LHFPL6: variants seen among roughly 807,000 people sequenced by gnomAD.
LHFPL6 encodes the protein LHFPL tetraspan subfamily member 6 protein.
Under a neutral mutation model 20.6 loss-of-function variants are expected in LHFPL6, and 9 were observed. The observed-to-expected ratio is 0.44, with a 90% CI of 0.26 to 0.76. The LOEUF is 0.76. Ranked by LOEUF, LHFPL6 falls within the 30% of genes least tolerant of loss-of-function variation. The probability of loss-of-function intolerance (pLI) is 0.20; values close to 1 mark genes in which losing one functional copy is unlikely to be tolerated. For synonymous variants in LHFPL6, 105 were observed against 98.7 expected, an observed-to-expected ratio of 1.06 and a Z score of -0.38; for missense variants, 218 against 253.5, an observed-to-expected ratio of 0.86 and a Z score of 0.95.
chr13:39,496,871 A>G (rs1869118666), intron 2 of LHFPL6, among the ~76,000 whole-genome samples: 1 of 152,210 alleles, frequency 6.6e-6, no homozygotes, highest in South Asian at 2.1e-4. Context: ...ACCCAGGGGT[A>G]TAGCTCAGTC....
chr13:39,390,855 G>A (rs559526464), intron 2 of LHFPL6, among the ~76,000 whole-genome samples: 1 of 152,070 alleles, frequency 6.6e-6, no homozygotes, highest in African/African-American at 2.4e-5. Context: ...AAATTAGCCA[G>A]GCGTGGTGGC....
At chr13:39,572,481 A>T (rs1021190897) in intron 2 of LHFPL6, among the ~76,000 whole-genome samples, 1 of 152,216 alleles carries the variant, frequency 6.6e-6, no homozygotes, top group Non-Finnish European at 1.5e-5. Flanking sequence ...GGTATTATAC[A>T]GTACATCCAT....
intron 2 of LHFPL6, among the ~76,000 whole-genome samples, chr13:39,435,221 C>A (rs1350979136): frequency 6.6e-6 from 1 of 151,942 alleles, no homozygotes; most frequent in Non-Finnish European, 1.5e-5. Context: ...CCAAATTAAC[C>A]TTTTTTTAAT....
chr13:39,414,525 AG>A (rs1282409421), intron 2 of LHFPL6, among the ~76,000 whole-genome samples: 1 of 152,134 alleles, frequency 6.6e-6, no homozygotes, highest in African/African-American at 2.4e-5. Flanking sequence ...GCTGGAGTTG[AG>A]GTAGAGCAAG....
At chr13:39,416,360 A>G in intron 2 of LHFPL6, among the ~76,000 whole-genome samples, 1 of 106,558 alleles carries the variant, frequency 9.4e-6, no homozygotes, top group East Asian at 2.1e-4. Flanking sequence ...GAACCTTAAT[A>G]TGTTAAAAAA....
intron 2 of LHFPL6, among the ~76,000 whole-genome samples, chr13:39,437,220 G>T (rs1871981938): frequency 6.6e-6 from 1 of 152,074 alleles, no homozygotes; most frequent in South Asian, 2.1e-4. Context: ...AATATGGTTT[G>T]GATCTGACTC....
At chr13:39,510,805 A>T (rs75298511) in intron 2 of LHFPL6, among the ~76,000 whole-genome samples, 15,848 of 152,056 alleles carry the variant, frequency 0.1, 1,034 homozygotes, top group African/African-American at 0.18. Flanking sequence ...GAAGAGGAAA[A>T]CTACAGTTTG....
intron 2 of LHFPL6, among the ~76,000 whole-genome samples, chr13:39,483,421 A>C (rs1868604450): frequency 6.6e-6 from 1 of 152,026 alleles, no homozygotes; most frequent in Non-Finnish European, 1.5e-5. Flanking sequence ...CTAACATAAA[A>C]ATGTCATATA....
intron 2 of LHFPL6, among the ~76,000 whole-genome samples, chr13:39,583,978 A>T (rs1385576780): frequency 6.6e-6 from 1 of 151,998 alleles, no homozygotes; most frequent in African/African-American, 2.4e-5. Context: ...CCTCCGTGTC[A>T]GGCCTCGACT....
intron 2 of LHFPL6, among the ~76,000 whole-genome samples, chr13:39,382,275 T>C (rs115126738): frequency 6.6e-6 from 1 of 152,234 alleles, no homozygotes; most frequent in Non-Finnish European, 1.5e-5. Flanking sequence ...TCTTCTCAGG[T>C]TGCTGGTTCT....
chr13:39,480,552 T>C (rs1213655417), intron 2 of LHFPL6, among the ~76,000 whole-genome samples: 1 of 152,174 alleles, frequency 6.6e-6, no homozygotes, highest in Non-Finnish European at 1.5e-5. Flanking sequence ...TCTTGATTGG[T>C]AGCTTGTGAA....
chr13:39,440,991 C>A (rs369594151), intron 2 of LHFPL6, among the ~76,000 whole-genome samples: 14 of 152,184 alleles, frequency 9.2e-5, no homozygotes, highest in East Asian at 7.7e-4. Flanking sequence ...GGCCTCCCCC[C>A]CAGCCATGCG....
Position 39,495,832 on chromosome 13 carries a change from T to C in LHFPL6, c.385+105000A>G, listed in dbSNP as rs543094161. Reference sequence around the variant, plus strand: ...TAATTCACCAGATTATCCTGCTGCATGGCCAGGGTTGGGACCAGCAGTGTT... The same window carrying C: ...TAATTCACCAGATTATCCTGCTGCACGGCCAGGGTTGGGACCAGCAGTGTT... On this transcript the variant is annotated intron_variant, in intron 2 of 3. Coordinates refer to ENST00000379589, the MANE Select transcript of LHFPL6 (RefSeq NM_005780.3). Among the ~76,000 whole-genome samples the C allele has an allele frequency of 4.3e-5, 6 of 139,516 alleles. No homozygotes were observed. In the East Asian group the frequency reaches 6.2e-4, roughly 14 times the overall value. The allele number at this position is 139,516 out of a possible 152,430, so 91.5% of individuals were successfully genotyped here.
intron 2 of LHFPL6, among the ~76,000 whole-genome samples, chr13:39,425,761 G>T (rs73458841): frequency 6.6e-6 from 1 of 152,102 alleles, no homozygotes; most frequent in African/African-American, 2.4e-5. Context: ...ATATTCTGAC[G>T]CAAGTCCTTT....
At chr13:39,455,595 C>T (rs1242398611) in intron 2 of LHFPL6, among the ~76,000 whole-genome samples, 2 of 152,184 alleles carry the variant, frequency 1.3e-5, no homozygotes, top group African/African-American at 4.8e-5. Context: ...GACTCCTGCT[C>T]AGAAGCCTAA....
intron 2 of LHFPL6, among the ~76,000 whole-genome samples, chr13:39,483,777 G>C (rs996933996): frequency 6.6e-6 from 1 of 151,988 alleles, no homozygotes; most frequent in Non-Finnish European, 1.5e-5. Flanking sequence ...AAAATATTCA[G>C]CCAGCACTTG....
chr13:39,414,590 T>C (rs1479209016), intron 2 of LHFPL6, among the ~76,000 whole-genome samples: 1 of 141,502 alleles, frequency 7.1e-6, no homozygotes, highest in Non-Finnish European at 1.5e-5. Flanking sequence ...GGTACTGTTT[T>C]CACTTCTTCT....
At chr13:39,490,523 G>A (rs1868888264) in intron 2 of LHFPL6, among the ~76,000 whole-genome samples, 1 of 152,190 alleles carries the variant, frequency 6.6e-6, no homozygotes, top group South Asian at 2.1e-4. Flanking sequence ...CATGCTGGAT[G>A]CAATGAATGC....
At chr13:39,479,910 C>G (rs906821117) in intron 2 of LHFPL6, among the ~76,000 whole-genome samples, 2 of 152,128 alleles carry the variant, frequency 1.3e-5, no homozygotes, top group Admixed American at 1.3e-4. Flanking sequence ...GGTGTACCCC[C>G]GAACAGCCAA....
Sources: allele counts gnomAD v4.1 joint callset (sites outside exome capture counted in the v4.1 genomes callset), GRCh38; gene constraint gnomAD v4.1.1; transcripts MANE v1.5; gene names NCBI Gene and HGNC (gene_info 2026-07-23, HGNC 2026-07-21).